The following EXOSC10 variants were observed in gnomAD, a reference collection of about 807,000 sequenced individuals.
The protein encoded by EXOSC10 is exosome component 10.
A neutral mutation model predicts 126.6 loss-of-function variants in EXOSC10; 94 were observed. The observed-to-expected ratio is 0.74, with a 90% CI of 0.63 to 0.88. EXOSC10 has a LOEUF of 0.88. Ranked by LOEUF, EXOSC10 falls within the 40% of genes least tolerant of loss-of-function variation. The pLI is 0.00. For synonymous variants in EXOSC10, 395 were observed against 400.8 expected (o/e 0.99, Z 0.17); for missense variants, 1,041 against 1,100.5 (o/e 0.95, Z 0.77).
At chr1:11,084,883 A>G (rs1640403675) in intron 9 of EXOSC10, among the ~76,000 whole-genome samples, 1 of 152,208 alleles carries the variant, frequency 6.6e-6, no homozygotes, top group Non-Finnish European at 1.5e-5. Context: ...TTAAATAGGG[A>G]ATCCTTTCCC....
chr1:11,084,789 G>A (rs576227634), intron 9 of EXOSC10, among the ~76,000 whole-genome samples: 33 of 152,252 alleles, frequency 2.2e-4, no homozygotes, highest in Admixed American at 7.8e-4. Context: ...AATCCATCTT[G>A]AATTGATTTT....
intron 15 of EXOSC10, 72 bp downstream of exon 15, chr1:11,077,529 C>A: frequency 6.2e-7 from 1 of 1,604,404 alleles, no homozygotes; most frequent in South Asian, 1.1e-5. Flanking sequence ...AGGCCTCTGT[C>A]AGAGGTGTAC....
chr1:11,076,745 C>T (rs988325095), intron 17 of EXOSC10, 97 bp downstream of exon 17: 25 of 945,542 alleles, frequency 2.6e-5, no homozygotes, highest in South Asian at 1.5e-4. Flanking sequence ...CATTAGTCTC[C>T]GAGTGTATGC....
chr1:11,073,929 C>G lies in EXOSC10; in HGVS notation c.2157+5G>C. 6.7e-7 allele frequency: 1 copy of G among 1,501,190 alleles called. No homozygotes were observed. Among genetic ancestry groups the G allele is most frequent in the Admixed American group, 1.7e-5 (1 of 59,474 alleles). The allele number at this position is 1,501,190 out of a possible 1,614,324, so 93.0% of individuals were successfully genotyped here. A position where few individuals can be genotyped will look rare whatever the true frequency, so the allele number is the denominator to read the frequency against. ...TCTTTTAGAACAGGTGACAAGTCCA[C>G]TTACTTCATAGATTTTGGTTGATGG... On this transcript the variant is annotated splice_donor_5th_base_variant and intron_variant, in intron 19 of 24. Transcript: ENST00000376936.
At position 11,094,631 on chromosome 1, in the gene EXOSC10, C is replaced by G. The variant is rs372038568; in HGVS notation, c.372+1127G>C. On this transcript the variant is annotated intron_variant, in intron 3 of 24. Coordinates refer to ENST00000376936, the MANE Select transcript of EXOSC10 (RefSeq NM_001001998.3). ...TTTTTTTTTTTTTTTGAGACAGAGT[C>G]TCACTGTCATCCAGGCTGGAGTGCA... Among the ~76,000 whole-genome samples the G allele has an allele frequency of 3.4e-3, 460 of 135,414 alleles. 5 individuals carry two copies. The highest frequency in any genetic ancestry group is 0.013 in the African/African-American group (444 of 35,234). 88.8% of individuals were successfully genotyped at this position (135,414 alleles called of 152,430 possible). A position where few individuals can be genotyped will look rare whatever the true frequency, so the allele number is the denominator to read the frequency against.
chr1:11,096,876 G>A (rs1322387259), intron 2 of EXOSC10, among the ~76,000 whole-genome samples: 4 of 152,072 alleles, frequency 2.6e-5, no homozygotes, highest in African/African-American at 4.8e-5. Context: ...TCACGACTTC[G>A]AGACCAGCCT....
rs370921573 is a variant in EXOSC10 at position 11,089,923 on chromosome 1, G to A, written c.758+631C>T. Among the ~76,000 whole-genome samples the A allele has an allele frequency of 5.7e-4, 87 of 152,026 alleles. No homozygotes were observed. The Middle Eastern group carries it at 0.01, about 18-fold the overall frequency. On this transcript the variant is annotated intron_variant, in intron 6 of 24. Coordinates refer to ENST00000376936, the MANE Select transcript of EXOSC10 (RefSeq NM_001001998.3). The stretch of plus-strand genomic sequence containing the variant: ...CATGCCACCACACTCCAGTCTGGGC[G>A]ACAGAGCAAGACCCTGTCTCAAAGA...
chr1:11,099,149 T>G (rs1357066821), intron 1 of EXOSC10, among the ~76,000 whole-genome samples: 1 of 152,270 alleles, frequency 6.6e-6, no homozygotes, highest in Non-Finnish European at 1.5e-5. Context: ...ACCTTAAGCC[T>G]AGTTGTACGT....
At chr1:11,086,834 A>C (rs1360768232) in intron 9 of EXOSC10, among the ~76,000 whole-genome samples, 2 of 152,230 alleles carry the variant, frequency 1.3e-5, no homozygotes, top group East Asian at 1.9e-4. Context: ...GTAGAGGGAA[A>C]TTTATAGCAC....
intron 2 of EXOSC10, among the ~76,000 whole-genome samples, chr1:11,097,221 A>G (rs1015295787): frequency 1.4e-5 from 2 of 145,780 alleles, no homozygotes; most frequent in African/African-American, 5.0e-5. Context: ...CCCCCCAACA[A>G]AAAAAAAAAA....
At position 11,082,722 on chromosome 1, in the gene EXOSC10, T is replaced by C. The variant is rs766043102; in HGVS notation, c.1246A>G (p.Asn416Asp). ...CAATCAGCCAGCTGATATTGCTTGTTTGAGTCCACGTTGCAGTAGAGTTTC... is the reference window on the plus strand; with the variant it reads ...CAATCAGCCAGCTGATATTGCTTGTCTGAGTCCACGTTGCAGTAGAGTTTC... Reference protein sequence around the residue: ...LLKLYCNVDSNKQYQLADWRI... With the variant: ...LLKLYCNVDSDKQYQLADWRI... Residue 416 changes from asparagine to aspartate, a missense_variant, in exon 10 of 25, where the codon AAC (asparagine) becomes GAC (aspartate). Asn to Asp is a conservative substitution (Grantham distance 23, BLOSUM62 1). Coordinates refer to ENST00000376936, the MANE Select transcript of EXOSC10 (RefSeq NM_001001998.3). 1 of 1,614,210 alleles carries C rather than the reference T, an allele frequency of 6.2e-7. No homozygotes were observed. Among genetic ancestry groups the C allele is most frequent in the Non-Finnish European group, 8.5e-7 (1 of 1,180,028 alleles).
At position 11,083,643 on chromosome 1, in the gene EXOSC10, ATACTT is replaced by A. The variant is rs780018633; in HGVS notation, c.1090-770_1090-766del. Among the ~76,000 whole-genome samples the A allele has an allele frequency of 3.4e-5, 5 of 148,942 alleles. No homozygotes were observed. The East Asian group carries it at 6.0e-4, about 18-fold the overall frequency. ...AAAATTTTTTTTTAAATTTATTATTATACTTTAAGTTTTAGGGTACATGTGCACAA... is the reference window on the plus strand; with the variant it reads ...AAAATTTTTTTTTAAATTTATTATTATAAGTTTTAGGGTACATGTGCACAA... On this transcript the variant is annotated intron_variant, in intron 9 of 24. Transcript: ENST00000376936.
intron 24 of EXOSC10, among the ~76,000 whole-genome samples, chr1:11,067,496 C>T (rs938121291): frequency 2.0e-5 from 3 of 150,418 alleles, no homozygotes; most frequent in South Asian, 2.1e-4. Flanking sequence ...CCCAGCTACT[C>T]GGGAGGCTGA....
At chr1:11,077,300 G>GA in intron 16 of EXOSC10, 65 bp downstream of exon 16, 1 of 1,533,326 alleles carries the variant, frequency 6.5e-7, no homozygotes, top group East Asian at 2.3e-5. Flanking sequence ...CAAGCCTACA[G>GA]AATTTTAGAC....
intron 9 of EXOSC10, 91 bp downstream of exon 9, chr1:11,087,357 T>G: frequency 6.9e-7 from 1 of 1,458,612 alleles, no homozygotes; most frequent in Non-Finnish European, 9.5e-7. Flanking sequence ...CCAACTTGAC[T>G]GGTCTAGGTT....
At chr1:11,094,247 G>A (rs1482144259) in intron 3 of EXOSC10, among the ~76,000 whole-genome samples, 1 of 150,732 alleles carries the variant, frequency 6.6e-6, no homozygotes, top group Non-Finnish European at 1.5e-5. Flanking sequence ...TACAGTGCTA[G>A]GATTACAGGA....
chr1:11,082,741 G>A lies in EXOSC10; in HGVS notation c.1227C>T (p.Leu409=). ...GCTTGTTTGAGTCCACGTTGCAGTA[G>A]AGTTTCAGGAGATGATCGAGTGAGT... ...GRHSLDHLLK[L]YCNVDSNKQY... Residue 409 remains leucine (L), a synonymous_variant, in exon 10 of 25, where the codon CTC becomes CTT. Coordinates refer to ENST00000376936, the MANE Select transcript of EXOSC10 (RefSeq NM_001001998.3). The A allele has an allele frequency of 6.2e-7, 1 of 1,614,206 alleles. No individual in the cohort carries two copies. The highest frequency in any genetic ancestry group is 8.5e-7 in the Non-Finnish European group (1 of 1,180,034).
rs187838179 is a variant in EXOSC10 at position 11,073,850 on chromosome 1, C to T, written c.2157+84G>A. 63 of 1,037,954 alleles carry T rather than the reference C, an allele frequency of 6.1e-5. 1 individual carries two copies. The African/African-American group carries it at 7.9e-4, about 13-fold the overall frequency. The allele number at this position is 1,037,954 out of a possible 1,614,324, so 64.3% of individuals were successfully genotyped here. A position where few individuals can be genotyped will look rare whatever the true frequency, so the allele number is the denominator to read the frequency against. ...TCAAGATTGTGCCTCTGCACTCCAG[C>T]CTGGGTGACAAAGCGAGACTCCATC... On this transcript the variant is annotated intron_variant, in intron 19 of 24. Transcript: ENST00000376936.
At position 11,072,012 on chromosome 1, in the gene EXOSC10, G is replaced by A. The variant is rs1461071545; in HGVS notation, c.2242+75C>T. 5 of 1,214,584 alleles carry A rather than the reference G, an allele frequency of 4.1e-6. No homozygotes were observed. The South Asian group carries it at 5.1e-5, about 13-fold the overall frequency. The allele number at this position is 1,214,584 out of a possible 1,614,324, so 75.2% of individuals were successfully genotyped here. ...GGGGCTTCATTCATCGCCGTATCTG[G>A]CACTTGGCTGAAACAGCGGGTGTGC... is the stretch of plus-strand genomic sequence containing the variant. On this transcript the variant is annotated intron_variant, in intron 20 of 24. Transcript: ENST00000376936.
Sources: allele counts gnomAD v4.1 joint callset (sites outside exome capture counted in the v4.1 genomes callset), GRCh38; gene constraint gnomAD v4.1.1; transcripts MANE v1.5; gene names NCBI Gene and HGNC (gene_info 2026-07-23, HGNC 2026-07-21).